The following PRUNE2 variants were observed in gnomAD, a reference collection of about 807,000 sequenced individuals.
PRUNE2 encodes the protein prune homolog 2 with BCH domain, also known as protein prune homolog 2.
A neutral mutation model predicts 252.0 loss-of-function variants in PRUNE2; 164 were observed. That is an observed-to-expected ratio of 0.65 (90% CI 0.57 to 0.74). PRUNE2 has a LOEUF of 0.74. Ranked by LOEUF, PRUNE2 falls within the 30% of genes least tolerant of loss-of-function variation. The pLI is 0.00. For missense variants in PRUNE2, 3,495 were observed against 3,711.0 expected, an observed-to-expected ratio of 0.94 and a Z score of 1.51; for synonymous variants, 1,292 against 1,350.2, an observed-to-expected ratio of 0.96 and a Z score of 0.94.
At chr9:76,631,308 T>C (rs1837530143) in intron 15 of PRUNE2, among the ~76,000 whole-genome samples, 1 of 152,200 alleles carries the variant, frequency 6.6e-6, no homozygotes, top group Non-Finnish European at 1.5e-5. Flanking sequence ...TCTCTGAACA[T>C]GCCATGTTCT....
At chr9:76,749,678 C>T (rs555619233) in intron 6 of PRUNE2, among the ~76,000 whole-genome samples, 26 of 152,154 alleles carry the variant, frequency 1.7e-4, no homozygotes, top group Non-Finnish European at 2.8e-4. Flanking sequence ...AGATGTTTGA[C>T]TTTACTGCGT....
intron 6 of PRUNE2, among the ~76,000 whole-genome samples, chr9:76,727,783 C>T (rs10869807): frequency 0.015 from 1,852 of 121,898 alleles, 77 homozygotes; most frequent in Admixed American, 0.12. Flanking sequence ...GGGGTGATTT[C>T]GGTTCACTGT....
chr9:76,654,425 T>A (rs954777781), intron 10 of PRUNE2, among the ~76,000 whole-genome samples: 1 of 152,202 alleles, frequency 6.6e-6, no homozygotes, highest in African/African-American at 2.4e-5. Flanking sequence ...TATTGACAAG[T>A]AAGTTTCAAC....
At chr9:76,773,829 A>AGTT (rs2053400837) in intron 6 of PRUNE2, among the ~76,000 whole-genome samples, 1 of 152,212 alleles carries the variant, frequency 6.6e-6, no homozygotes, top group Non-Finnish European at 1.5e-5. Context: ...TCAACAAGGA[A>AGTT]ACTTACTTAG....
chr9:76,626,854 T>C (rs1011195956), intron 16 of PRUNE2, among the ~76,000 whole-genome samples: 4 of 152,142 alleles, frequency 2.6e-5, no homozygotes. Context: ...AAGCTGAGAC[T>C]CAGAATATTT....
chr9:76,860,994 TAAG>T (rs960804903), intron 1 of PRUNE2, among the ~76,000 whole-genome samples: 2 of 152,218 alleles, frequency 1.3e-5, no homozygotes, highest in Admixed American at 1.3e-4. Flanking sequence ...CGATTCTAAG[TAAG>T]AAGACTTCCA....
intron 15 of PRUNE2, 52 bp downstream of exon 15, chr9:76,636,419 A>G: frequency 2.1e-6 from 2 of 965,942 alleles, no homozygotes; most frequent in Non-Finnish European, 3.2e-6. Context: ...ATGAGTACAT[A>G]TTTTTTAAAA....
At chr9:76,775,796 A>G (rs376625884) in intron 6 of PRUNE2, among the ~76,000 whole-genome samples, 1 of 152,192 alleles carries the variant, frequency 6.6e-6, no homozygotes, top group Non-Finnish European at 1.5e-5. Context: ...AGGATTGCTC[A>G]CCCGGCCTTC....
chr9:76,751,603 C>G (rs1340997882), intron 6 of PRUNE2, among the ~76,000 whole-genome samples: 1 of 152,064 alleles, frequency 6.6e-6, no homozygotes, highest in Non-Finnish European at 1.5e-5. Context: ...GGGAAATGTA[C>G]CAGGCAAATC....
intron 16 of PRUNE2, among the ~76,000 whole-genome samples, chr9:76,626,510 T>C (rs61094786): frequency 6.6e-6 from 1 of 152,222 alleles, no homozygotes; most frequent in Non-Finnish European, 1.5e-5. Flanking sequence ...CACATGGACA[T>C]GTGGGCAGCA....
At chr9:76,859,681 G>A (rs2060445004) in intron 1 of PRUNE2, among the ~76,000 whole-genome samples, 1 of 144,744 alleles carries the variant, frequency 6.9e-6, no homozygotes, top group Admixed American at 6.8e-5. Flanking sequence ...TCAGAGGCTA[G>A]GGTGCTTGTT....
At chr9:76,841,635 G>T (rs1365578036) in intron 4 of PRUNE2, among the ~76,000 whole-genome samples, 1 of 152,168 alleles carries the variant, frequency 6.6e-6, no homozygotes, top group Non-Finnish European at 1.5e-5. Flanking sequence ...CCATTACTGA[G>T]GCTTGAGTAG....
intron 1 of PRUNE2, among the ~76,000 whole-genome samples, chr9:76,864,991 G>A (rs1170286962): frequency 6.6e-6 from 1 of 152,136 alleles, no homozygotes; most frequent in African/African-American, 2.4e-5. Context: ...GAGAAGCACT[G>A]CTTGAGTTGC....
intron 6 of PRUNE2, among the ~76,000 whole-genome samples, chr9:76,721,950 C>T (rs1349585949): frequency 6.6e-6 from 1 of 152,114 alleles, no homozygotes; most frequent in Non-Finnish European, 1.5e-5. Context: ...ATGAGAACAC[C>T]ACATGCATAA....
At chr9:76,713,469 A>G (rs1009746845) in intron 7 of PRUNE2, 94 bp downstream of exon 7, 2 of 1,012,270 alleles carry the variant, frequency 2.0e-6, no homozygotes, top group Non-Finnish European at 2.7e-6. Flanking sequence ...CTAATTGCTC[A>G]TGAGCCACCA....
intron 6 of PRUNE2, among the ~76,000 whole-genome samples, chr9:76,782,223 A>G (rs770613233): frequency 2.0e-5 from 3 of 152,076 alleles, no homozygotes; most frequent in Non-Finnish European, 4.4e-5. Context: ...CAAAAAAAGA[A>G]AAAAAAGAAA....
chr9:76,901,526 G>A lies in PRUNE2; in HGVS notation c.36+4402C>T, dbSNP rs193054875. ...TTAAATATCCTTTTTATTGATACGC[G>A]GAACTTTCTTCCCATGCAAGAGGAA... On this transcript the variant is annotated intron_variant, in intron 1 of 18. Coordinates refer to ENST00000376718, the MANE Select transcript of PRUNE2 (RefSeq NM_015225.3). Among the ~76,000 whole-genome samples, 428 of 152,234 alleles carry A rather than the reference G, an allele frequency of 2.8e-3. 2 individuals carry two copies. Among genetic ancestry groups the A allele is most frequent in the African/African-American group, 9.8e-3 (407 of 41,524 alleles).
intron 6 of PRUNE2, chr9:76,759,645 A>G (rs970295807): frequency 5.3e-5 from 8 of 152,248 alleles, no homozygotes; most frequent in African/African-American, 1.9e-4. Context: ...GCTGAAAGCC[A>G]TCTTCGTCTG....
At chr9:76,905,787 T>A (rs2063458111) in intron 1 of PRUNE2, 141 bp downstream of exon 1, 2 of 1,069,088 alleles carry the variant, frequency 1.9e-6, no homozygotes, top group Non-Finnish European at 2.9e-6. Context: ...TCCTGAGATT[T>A]CTTCCAGGAG....
Sources: allele counts gnomAD v4.1 joint callset (sites outside exome capture counted in the v4.1 genomes callset), GRCh38; gene constraint gnomAD v4.1.1; transcripts MANE v1.5; gene names NCBI Gene and HGNC (gene_info 2026-07-23, HGNC 2026-07-21).